The following USH2A variants were observed in gnomAD, a reference collection of about 807,000 sequenced individuals.
The protein encoded by USH2A is Usher syndrome 2A (autosomal recessive, mild).
In USH2A, 443 loss-of-function variants were observed where a neutral mutation model predicts 538.9. The observed-to-expected ratio is 0.82, with a 90% CI of 0.76 to 0.89. The LOEUF (loss-of-function observed/expected upper bound fraction) is 0.89, where lower values mean the gene tolerates loss of function less well. Ranked by LOEUF, USH2A falls within the 40% of genes least tolerant of loss-of-function variation. The pLI, the probability that USH2A is intolerant of heterozygous loss-of-function variation, is 0.00. For missense variants in USH2A, 6,633 were observed against 6,324.8 expected, an observed-to-expected ratio of 1.05 and a Z score of -1.65; for synonymous variants, 2,413 against 2,273.5, an observed-to-expected ratio of 1.06 and a Z score of -1.75.
intron 61 of USH2A, among the ~76,000 whole-genome samples, chr1:215,689,454 G>A (rs1418692): frequency 0.38 from 57,210 of 152,020 alleles, 10,877 homozygotes; most frequent in South Asian, 0.56. Flanking sequence ...CACACCTTAA[G>A]GTGACCCCTG....
intron 21 of USH2A, chr1:216,174,694 AG>A (rs2034340632): frequency 1.0e-6 from 1 of 986,650 alleles, no homozygotes; most frequent in Non-Finnish European, 1.2e-6. Flanking sequence ...CCCTGGGATT[AG>A]TTTTCCCCAC....
intron 30 of USH2A, among the ~76,000 whole-genome samples, chr1:216,059,726 C>T (rs2031109367): frequency 6.6e-6 from 1 of 152,142 alleles, no homozygotes; most frequent in Non-Finnish European, 1.5e-5. Flanking sequence ...ACCTAAGGGG[C>T]ATCTTGTAAT....
chr1:216,307,498 T>G (rs2037340928), intron 9 of USH2A, among the ~76,000 whole-genome samples: 1 of 152,130 alleles, frequency 6.6e-6, no homozygotes, highest in African/African-American at 2.4e-5. Context: ...GTCTCCCCAC[T>G]GGAAAAGCAA....
intron 26 of USH2A, among the ~76,000 whole-genome samples, chr1:216,080,894 A>G (rs1440992072): frequency 1.3e-5 from 2 of 151,890 alleles, no homozygotes; most frequent in Non-Finnish European, 2.9e-5. Flanking sequence ...TTGAATATGC[A>G]TGCTTGTTTT....
In USH2A at chr1:215,711,000, G is replaced by A. The variant is rs540793444; in HGVS notation, c.12066+17030C>T. Among the ~76,000 whole-genome samples the A allele has an allele frequency of 2.5e-4, 38 of 151,934 alleles. No individual in the cohort carries two copies. In the South Asian group the frequency reaches 7.3e-3, roughly 29 times the overall value. On this transcript the variant is annotated intron_variant, in intron 61 of 71. Transcript: ENST00000307340. ...TGCATAGTAAGTCACTGCTGCTTCA[G>A]TTTAACATCCCTCAAGCCCTCGCTT...
intron 46 of USH2A, among the ~76,000 whole-genome samples, chr1:215,841,974 AT>A (rs1412122123): frequency 6.6e-6 from 1 of 152,208 alleles, no homozygotes; most frequent in Non-Finnish European, 1.5e-5. Flanking sequence ...GTAAAACTGA[AT>A]AAAAATGAAA....
At chr1:215,945,155 A>T (rs1247097242) in intron 37 of USH2A, among the ~76,000 whole-genome samples, 1 of 152,192 alleles carries the variant, frequency 6.6e-6, no homozygotes, top group Non-Finnish European at 1.5e-5. Context: ...AAGGATCATA[A>T]GATATAAATT....
chr1:215,632,891 G>A (rs548884792), intron 70 of USH2A, among the ~76,000 whole-genome samples: 6 of 152,244 alleles, frequency 3.9e-5, no homozygotes, highest in South Asian at 2.1e-4. Flanking sequence ...CCCATGGTTC[G>A]AAGTGATCAC....
At chr1:215,982,813 T>C (rs773714184) in intron 35 of USH2A, among the ~76,000 whole-genome samples, 69 of 152,184 alleles carry the variant, frequency 4.5e-4, no homozygotes, top group Non-Finnish European at 5.4e-4. Flanking sequence ...ATTATGAGGA[T>C]GTAAAGTTTA....
chr1:216,039,300 C>G (rs2030156330), intron 32 of USH2A, among the ~76,000 whole-genome samples: 1 of 151,984 alleles, frequency 6.6e-6, no homozygotes, highest in Admixed American at 6.6e-5. Context: ...TTTGAAGGCT[C>G]TACTTATTGC....
intron 44 of USH2A, among the ~76,000 whole-genome samples, chr1:215,850,971 A>G (rs1664001358): frequency 6.6e-6 from 1 of 152,210 alleles, no homozygotes; most frequent in Non-Finnish European, 1.5e-5. Context: ...AATCAAGAAG[A>G]AAATTAAAAA....
chr1:215,832,608 T>A (rs1663354799), intron 47 of USH2A, among the ~76,000 whole-genome samples: 1 of 151,942 alleles, frequency 6.6e-6, no homozygotes, highest in Non-Finnish European at 1.5e-5. Context: ...TTCTTCAACG[T>A]GATAAAAGGC....
chr1:216,374,880 C>T (rs541172479), intron 3 of USH2A, among the ~76,000 whole-genome samples: 3 of 152,074 alleles, frequency 2.0e-5, no homozygotes, highest in Admixed American at 2.0e-4. Context: ...CTGGAATCAG[C>T]CATTTCTCCA....
At position 215,888,486 on chromosome 1, in the gene USH2A, G is replaced by A. The variant is rs562887202; in HGVS notation, c.8163C>T (p.Pro2721=). The change falls in exon 41 of 72, where the codon CCC becomes CCT. Residue 2721 remains proline, a synonymous_variant. Transcript: ENST00000307340. ...SSAWVEVTTR[P]SRPAGVQPPV... ...GTGGCTGCACCCCAGCAGGTCGTGA[G>A]GGTCTTGTGGTAACTTCTACCCAAG... 6.2e-7 allele frequency: 1 copy of A among 1,614,084 alleles called. No homozygotes were observed. The highest frequency in any genetic ancestry group is 2.2e-5 in the East Asian group (1 of 44,872).
intron 14 of USH2A, among the ~76,000 whole-genome samples, chr1:216,225,690 A>T (rs1194518422): frequency 6.6e-6 from 1 of 152,110 alleles, no homozygotes; most frequent in Non-Finnish European, 1.5e-5. Flanking sequence ...TCTAAGCCCC[A>T]CTCAAACTTG....
At chr1:216,354,519 A>G (rs926931692) in intron 4 of USH2A, among the ~76,000 whole-genome samples, 1 of 152,158 alleles carries the variant, frequency 6.6e-6, no homozygotes, top group African/African-American at 2.4e-5. Flanking sequence ...TAGATGGGTG[A>G]ATTTGAGCCA....
rs750789180 is a variant in USH2A at position 216,198,535 on chromosome 1, T to C, written c.3861A>G (p.Lys1287=). Residue 1287 remains lysine (K), a synonymous_variant, in exon 18 of 72, where the codon AAA becomes AAG. Transcript: ENST00000307340. The stretch of plus-strand genomic sequence containing the variant: ...CTCGACTTTCCTCAGATGTGGTTTC[T>C]TTAGTAGATCTCAGTCTTCTCATGT... ...ELYMRRLRST[K]ETTSEESRVF... is the part of the protein sequence containing the mutation. 44 of 1,613,756 alleles carry C rather than the reference T, an allele frequency of 2.7e-5. No individual in the cohort carries two copies. The Admixed American group carries it at 6.3e-4, about 23-fold the overall frequency.
At chr1:216,341,659 T>C (rs1216148460) in intron 4 of USH2A, among the ~76,000 whole-genome samples, 7 of 152,046 alleles carry the variant, frequency 4.6e-5, no homozygotes, top group Admixed American at 2.0e-4. Flanking sequence ...TATAGACCAA[T>C]GGAACAGGTC....
chr1:215,869,248 G>A (rs1173446974), intron 43 of USH2A, among the ~76,000 whole-genome samples: 1 of 152,188 alleles, frequency 6.6e-6, no homozygotes, highest in Non-Finnish European at 1.5e-5. Context: ...TCAAATATAG[G>A]CAGTCTGATT....
Sources: gnomAD v4.1 joint callset for allele counts (sites outside exome capture counted in the v4.1 genomes callset) on GRCh38, gnomAD v4.1.1 for gene constraint, MANE v1.5 for transcripts, NCBI Gene and HGNC (gene_info 2026-07-23, HGNC 2026-07-21) for gene names.